Variants in SLC25A20 observed in about 807,000 individuals in gnomAD.
SLC25A20 encodes the protein mitochondrial carnitine/acylcarnitine carrier protein.
SLC25A20 carries 29 observed loss-of-function variants against 39.7 expected under a neutral mutation model. The ratio of observed to expected loss-of-function variants is 0.73; its 90% CI spans 0.54 to 1.00. The LOEUF (loss-of-function observed/expected upper bound fraction) is 1.00. Among genes scored for constraint, SLC25A20 ranks in the 50% least tolerant of loss-of-function variants. SLC25A20 has a pLI of 0.00. For synonymous variants in SLC25A20, 103 were observed against 142.2 expected (o/e 0.72, Z 1.96); for missense variants, 333 against 379.9 (o/e 0.88, Z 1.03).
At chr3:48,895,421 G>C (rs918867952) in intron 1 of SLC25A20, among the ~76,000 whole-genome samples, 1 of 152,240 alleles carries the variant, frequency 6.6e-6, no homozygotes, top group African/African-American at 2.4e-5. Context: ...TTACAGGCGT[G>C]AGCCACCGCG....
intron 4 of SLC25A20, 31 bp from the exon 5 acceptor site, chr3:48,862,690 A>G (rs754243701): frequency 1.4e-6 from 2 of 1,459,634 alleles, no homozygotes; most frequent in South Asian, 2.3e-5. Context: ...ATTAAGTCAG[A>G]AACATCAGAG....
chr3:48,858,326 T>C (rs771103809), intron 8 of SLC25A20, among the ~76,000 whole-genome samples, 181 bp downstream of exon 8: 15 of 151,930 alleles, frequency 9.9e-5, no homozygotes, highest in Non-Finnish European at 2.1e-4. Context: ...ACCTCAGAGA[T>C]CCCCAAAGGC....
chr3:48,884,352 T>G (rs536503355), intron 2 of SLC25A20, among the ~76,000 whole-genome samples: 1 of 152,160 alleles, frequency 6.6e-6, no homozygotes, highest in South Asian at 2.1e-4. Context: ...GTTTTTGTTT[T>G]GGGGGCTTTT....
At chr3:48,884,232 C>G (rs549370237) in intron 2 of SLC25A20, 108 bp from the exon 3 acceptor site, 2 of 1,404,060 alleles carry the variant, frequency 1.4e-6, no homozygotes, top group African/African-American at 1.4e-5. Context: ...TTCACCTCTT[C>G]TTGAAGCAAG....
rs144972397 is a variant in SLC25A20, at chr3:48,859,593, A to G, written c.570T>C (p.Tyr190=). The G allele has an allele frequency of 1.9e-6, 3 of 1,613,882 alleles. No individual in the cohort carries two copies. The highest frequency in any genetic ancestry group is 1.3e-5 in the African/African-American group (1 of 74,926). ...VPASGMYFMT[Y]EWLKNIFTPE... Reference sequence around the variant, plus strand: ...GAGTGAAGATATTTTTCAGCCATTCATATGTCATGAAATACATTCCACTAG... The same window carrying G: ...GAGTGAAGATATTTTTCAGCCATTCGTATGTCATGAAATACATTCCACTAG... The change falls in exon 6 of 9, where the codon TAT becomes TAC. Residue 190 remains tyrosine, a synonymous_variant. Transcript: ENST00000319017.
chr3:48,875,248 G>A (rs1055799439), intron 4 of SLC25A20, among the ~76,000 whole-genome samples: 2 of 150,786 alleles, frequency 1.3e-5, no homozygotes, highest in African/African-American at 4.9e-5. Context: ...GATTACAGAC[G>A]CCTGCTACCA....
intron 4 of SLC25A20, among the ~76,000 whole-genome samples, chr3:48,866,913 A>T (rs760698426): frequency 6.6e-5 from 10 of 150,390 alleles, no homozygotes; most frequent in Admixed American, 2.0e-4. Context: ...CCTGTCTCAG[A>T]CTCCCGAGTA....
intron 2 of SLC25A20, among the ~76,000 whole-genome samples, chr3:48,886,786 G>A (rs976979556): frequency 2.0e-5 from 3 of 152,094 alleles, no homozygotes. Flanking sequence ...TTCAAGACCA[G>A]CCTGGGTAAA....
chr3:48,862,400 G>A, intron 5 of SLC25A20, 142 bp downstream of exon 5: 1 of 720,968 alleles, frequency 1.4e-6, no homozygotes, highest in Non-Finnish European at 2.6e-6. Flanking sequence ...CTGGCCAGGG[G>A]GAGATGCTTA....
chr3:48,893,375 C>T (rs2083891028), intron 1 of SLC25A20, among the ~76,000 whole-genome samples: 1 of 151,888 alleles, frequency 6.6e-6, no homozygotes, highest in Non-Finnish European at 1.5e-5. Flanking sequence ...AGAGAAATGC[C>T]TATTTAGGTC....
intron 1 of SLC25A20, chr3:48,895,744 G>A (rs1486129055): frequency 2.2e-6 from 1 of 456,502 alleles, no homozygotes; most frequent in South Asian, 1.5e-5. Flanking sequence ...AATGCCCAGA[G>A]GCCACCATAC....
At chr3:48,885,858 C>A (rs1485741578) in intron 2 of SLC25A20, among the ~76,000 whole-genome samples, 1 of 152,026 alleles carries the variant, frequency 6.6e-6, no homozygotes, top group Non-Finnish European at 1.5e-5. Context: ...ACTAGAACAA[C>A]AGAAAATAAC....
intron 4 of SLC25A20, among the ~76,000 whole-genome samples, chr3:48,871,254 C>T (rs1222827234): frequency 1.3e-5 from 2 of 151,338 alleles, no homozygotes; most frequent in Non-Finnish European, 1.5e-5. Context: ...CAAAATCTCA[C>T]CAAGATTTTT....
intron 3 of SLC25A20, 45 bp from the exon 4 acceptor site, chr3:48,879,493 A>C: frequency 7.5e-7 from 1 of 1,339,412 alleles, no homozygotes; most frequent in Non-Finnish European, 1.1e-6. Context: ...GTGACTAACC[A>C]CCGAGGACAG....
intron 3 of SLC25A20, among the ~76,000 whole-genome samples, chr3:48,881,367 A>T (rs2083794167): frequency 6.6e-6 from 1 of 152,202 alleles, no homozygotes; most frequent in African/African-American, 2.4e-5. Flanking sequence ...CCCTAGGCTC[A>T]GCAAACCTCA....
chr3:48,857,388 G>C lies in SLC25A20; in HGVS notation c.*322C>G. ...TTCTCTCTTTAATGAGGAATACTTTGACTGTGGTAGGACCAGCAGTTAACT... is the reference window on the plus strand; with the variant it reads ...TTCTCTCTTTAATGAGGAATACTTTCACTGTGGTAGGACCAGCAGTTAACT... On this transcript the variant is annotated 3_prime_UTR_variant, in exon 9 of 9. Transcript: ENST00000319017. 1 of 357,096 alleles carries C rather than the reference G, an allele frequency of 2.8e-6. No individual in the cohort carries two copies. 22.1% of individuals were successfully genotyped at this position (357,096 alleles called of 1,614,324 possible). A position where few individuals can be genotyped will look rare whatever the true frequency, so the allele number is the denominator to read the frequency against.
chr3:48,859,703 C>T, intron 5 of SLC25A20, 76 bp from the exon 6 acceptor site: 2 of 1,195,270 alleles, frequency 1.7e-6, no homozygotes, highest in South Asian at 2.4e-5. Flanking sequence ...CCTGTAATCT[C>T]AGCAATTTAG....
In SLC25A20 at chr3:48,858,443, A is replaced by C. The variant is rs1415257489; in HGVS notation, c.843+64T>G. 6.2e-6 allele frequency: 10 copies of C among 1,611,606 alleles called. No homozygotes were observed. In the Admixed American group the frequency reaches 1.7e-4, roughly 27 times the overall value. ...CAGTCCTATCCCAGGAACAAGCAAA[A>C]GTCAAACCACATGCACCCTGCCCTG... On this transcript the variant is annotated intron_variant, in intron 8 of 8. Coordinates refer to ENST00000319017, the MANE Select transcript of SLC25A20 (RefSeq NM_000387.6).
chr3:48,880,351 C>T lies in SLC25A20; in HGVS notation c.327-903G>A, dbSNP rs1257576561. 2.6e-5 allele frequency among the ~76,000 whole-genome samples: 4 copies of T among 151,976 alleles called. No homozygotes were observed. In the East Asian group the frequency reaches 5.8e-4, roughly 22 times the overall value. On this transcript the variant is annotated intron_variant, in intron 3 of 8. Transcript: ENST00000319017. ...AGGCTGGAGTGCAGTGAAGCGATCT[C>T]GGTGCAACCTCCACCTCCTGGGTTC...
Sources: gnomAD v4.1 joint callset for allele counts (sites outside exome capture counted in the v4.1 genomes callset) on GRCh38, gnomAD v4.1.1 for gene constraint, MANE v1.5 for transcripts, NCBI Gene and HGNC (gene_info 2026-07-23, HGNC 2026-07-21) for gene names.